Variants in CD99L2 observed in about 807,000 individuals in gnomAD.
CD99L2 encodes the protein CD99 antigen-like protein 2.
Under a neutral mutation model 27.3 loss-of-function variants are expected in CD99L2, and 24 were observed. The observed-to-expected ratio is 0.88, with a 90% CI of 0.64 to 1.24. The LOEUF is 1.24. CD99L2 is among the 50% of genes most tolerant of loss of function. The pLI, the probability that CD99L2 is intolerant of heterozygous loss-of-function variation, is 0.00. For missense variants in CD99L2, 255 were observed against 221.6 expected (o/e 1.15, Z -0.96); for synonymous variants, 97 against 87.9 (o/e 1.10, Z -0.58).
At chrX:150,833,209 T>C (rs948283820) in intron 1 of CD99L2, among the ~76,000 whole-genome samples, 1 of 110,900 alleles carries the variant, frequency 9.0e-6, no homozygotes, top group East Asian at 2.8e-4. Flanking sequence ...CCATTTATAA[T>C]AACATCAAAA....
intron 1 of CD99L2, among the ~76,000 whole-genome samples, chrX:150,857,139 T>C (rs2046903245): frequency 9.0e-6 from 1 of 111,548 alleles, no homozygotes; most frequent in Non-Finnish European, 1.9e-5. Flanking sequence ...AGTGACCAAA[T>C]TTACAAATTA....
intron 1 of CD99L2, among the ~76,000 whole-genome samples, chrX:150,858,246 A>G (rs1420914942): frequency 8.9e-6 from 1 of 112,494 alleles, no homozygotes; most frequent in Non-Finnish European, 1.9e-5. Flanking sequence ...ACAGACAGAG[A>G]GAGACTCAAA....
At chrX:150,838,939 G>A (rs1202844346) in intron 1 of CD99L2, among the ~76,000 whole-genome samples, 11 of 99,893 alleles carry the variant, frequency 1.1e-4, no homozygotes, top group Non-Finnish European at 2.0e-4. Flanking sequence ...GTGTAAATAG[G>A]CTAAATCTCC....
At chrX:150,861,678 G>C (rs951899768) in intron 1 of CD99L2, among the ~76,000 whole-genome samples, 1 of 111,300 alleles carries the variant, frequency 9.0e-6, no homozygotes, top group Non-Finnish European at 1.9e-5. Flanking sequence ...TGAGGCAGGC[G>C]AATCACAAGG....
intron 1 of CD99L2, among the ~76,000 whole-genome samples, chrX:150,845,507 G>A (rs1388613088): frequency 9.0e-6 from 1 of 111,130 alleles, no homozygotes; most frequent in Non-Finnish European, 1.9e-5. Context: ...CTGTGGGGGA[G>A]TGCCCTGGGA....
At chrX:150,778,929 T>G (rs782698517) in intron 7 of CD99L2, among the ~76,000 whole-genome samples, 37 of 110,790 alleles carry the variant, frequency 3.3e-4, no homozygotes, top group Non-Finnish European at 5.7e-4. Context: ...GGGGTCACTG[T>G]GTGCAGCCAG....
At chrX:150,806,818 G>A (rs2046002072) in intron 4 of CD99L2, among the ~76,000 whole-genome samples, 1 of 110,706 alleles carries the variant, frequency 9.0e-6, no homozygotes, top group Admixed American at 9.6e-5. Flanking sequence ...TTGAACCCTG[G>A]AGGCAGAGGT....
intron 1 of CD99L2, among the ~76,000 whole-genome samples, chrX:150,873,577 T>G (rs2047188632): frequency 1.8e-5 from 2 of 112,204 alleles, no homozygotes; most frequent in African/African-American, 6.5e-5. Flanking sequence ...ATATCTCAAT[T>G]TTTTTAAAGC....
rs782662355 is a variant in CD99L2, at chrX:150,795,098, G to C, written c.430+108C>G. 1.7e-5 allele frequency: 15 copies of C among 871,752 alleles called. 1 individual carries two copies. The highest frequency in any genetic ancestry group is 6.4e-5 in the South Asian group (3 of 47,132). 71.8% of individuals were successfully genotyped at this position (871,752 alleles called of 1,213,427 possible). A position where few individuals can be genotyped will look rare whatever the true frequency, so the allele number is the denominator to read the frequency against. ...AAAAAGTTTGAGTACCACCATTATA[G>C]GGTTCTCCAGTGGCTTGAAGTGCCT... is the stretch of plus-strand genomic sequence containing the variant. On this transcript the variant is annotated intron_variant, in intron 6 of 10. Coordinates refer to ENST00000370377, the MANE Select transcript of CD99L2 (RefSeq NM_031462.4).
rs2045490918 is a variant in CD99L2 at position 150,780,413 on chromosome X, A to C, written c.497-2931T>G. On this transcript the variant is annotated intron_variant, in intron 7 of 10. Coordinates refer to ENST00000370377, the MANE Select transcript of CD99L2 (RefSeq NM_031462.4). ...TTGATTGCTCCTTAAGAAGTTAAACATGGAGTTACAACATGACTAACAATT... is the reference window on the plus strand; with the variant it reads ...TTGATTGCTCCTTAAGAAGTTAAACCTGGAGTTACAACATGACTAACAATT... Among the ~76,000 whole-genome samples, 4 of 112,270 alleles carry C rather than the reference A, an allele frequency of 3.6e-5. No individual in the cohort carries two copies. In the Admixed American group the frequency reaches 3.8e-4, roughly 11 times the overall value.
chrX:150,890,710 T>G (rs188373934), intron 1 of CD99L2, among the ~76,000 whole-genome samples: 2 of 105,311 alleles, frequency 1.9e-5, no homozygotes, highest in Non-Finnish European at 3.9e-5. Context: ...GGCAGCACAC[T>G]CCTCCTCGTC....
At chrX:150,793,081 T>G (rs1557419758) in intron 7 of CD99L2, among the ~76,000 whole-genome samples, 1 of 111,944 alleles carries the variant, frequency 8.9e-6, no homozygotes, top group East Asian at 2.8e-4. Flanking sequence ...TCTGAATGCA[T>G]GCAAAATCTG....
In CD99L2 at chrX:150,820,351, A is replaced by T. The variant is rs374778231; in HGVS notation, c.131-4273T>A. Among the ~76,000 whole-genome samples, 5 of 111,701 alleles carry T rather than the reference A, an allele frequency of 4.5e-5. No homozygotes were observed. In the East Asian group the frequency reaches 1.4e-3, roughly 31 times the overall value. ...CATTTCATGATAAAAACACTCAATG[A>T]ATTAGGAATAGAAGAGAATTTCCCA... On this transcript the variant is annotated intron_variant, in intron 2 of 10. Transcript: ENST00000370377.
chrX:150,786,804 C>T lies in CD99L2; in HGVS notation c.496+6887G>A, dbSNP rs141429926. ...TGAGAAATCACCAAACTTTTTTCAA[C>T]GCTGGCTGAACTAATTTACATTCCC... On this transcript the variant is annotated intron_variant, in intron 7 of 10. Transcript: ENST00000370377. Among the ~76,000 whole-genome samples, 233 of 112,183 alleles carry T rather than the reference C, an allele frequency of 2.1e-3. 1 individual carries two copies. The highest frequency in any genetic ancestry group is 7.4e-3 in the African/African-American group (230 of 30,927).
At chrX:150,898,054 ACCCCCCCC>A (rs370763385) in intron 1 of CD99L2, among the ~76,000 whole-genome samples, 2 of 29,925 alleles carry the variant, frequency 6.7e-5, no homozygotes. Flanking sequence ...CGCCTCGCTG[ACCCCCCCC>A]CCCCCCCCCC....
At chrX:150,824,713 A>G (rs1056637852) in intron 2 of CD99L2, among the ~76,000 whole-genome samples, 4 of 101,152 alleles carry the variant, frequency 4.0e-5, no homozygotes, top group Admixed American at 1.0e-4. Flanking sequence ...AAGAGGAAGA[A>G]GAAGAAGAAG....
At chrX:150,778,681 AAAAAATATATATAT>A (rs2045454048) in intron 7 of CD99L2, among the ~76,000 whole-genome samples, 2 of 24,131 alleles carry the variant, frequency 8.3e-5, no homozygotes, top group Admixed American at 1.2e-3. Flanking sequence ...AATAAAAAAA[AAAAAATATATATAT>A]ATATATATAT....
rs1262964223 is a variant in CD99L2, at chrX:150,768,967, A to G, written c.*67T>C. The G allele has an allele frequency of 1.5e-5, 16 of 1,101,915 alleles. No individual in the cohort carries two copies. The highest frequency in any genetic ancestry group is 1.9e-5 in the Non-Finnish European group (16 of 853,153). The allele number at this position is 1,101,915 out of a possible 1,213,427, so 90.8% of individuals were successfully genotyped here. On this transcript the variant is annotated 3_prime_UTR_variant, in exon 11 of 11. Transcript: ENST00000370377. ...AGCACAGCAGCTGCGGGTCCAAATG[A>G]AGGGGTGGGGGGAGCCGGGTGACAA... is the stretch of plus-strand genomic sequence containing the variant.
At chrX:150,834,810 T>C (rs782397727) in intron 1 of CD99L2, among the ~76,000 whole-genome samples, 1 of 112,379 alleles carries the variant, frequency 8.9e-6, no homozygotes, top group Non-Finnish European at 1.9e-5. Flanking sequence ...TTGGTTTTAC[T>C]TACACTATCA....
Sources: gnomAD v4.1 joint callset for allele counts (sites outside exome capture counted in the v4.1 genomes callset) on GRCh38, gnomAD v4.1.1 for gene constraint, MANE v1.5 for transcripts, NCBI Gene and HGNC (gene_info 2026-07-23, HGNC 2026-07-21) for gene names.